Variants in CNGB1 observed in about 807,000 individuals in gnomAD.
CNGB1 encodes cyclic nucleotide-gated channel beta-1.
Under a neutral mutation model 151.7 loss-of-function variants are expected in CNGB1, and 126 were observed. The observed-to-expected ratio is 0.83, with a 90% CI of 0.72 to 0.96. The LOEUF (loss-of-function observed/expected upper bound fraction) is 0.96. Among genes scored for constraint, CNGB1 ranks in the 40% least tolerant of loss-of-function variants. CNGB1 has a pLI of 0.00. For synonymous variants in CNGB1, 623 were observed against 635.1 expected (o/e 0.98, Z 0.29); for missense variants, 1,698 against 1,627.0 (o/e 1.04, Z -0.75).
intron 14 of CNGB1, among the ~76,000 whole-genome samples, chr16:57,940,923 A>T (rs1420983121): frequency 7.9e-5 from 12 of 152,100 alleles, no homozygotes; most frequent in Admixed American, 6.5e-4. Context: ...CATAAGTGAT[A>T]GGGCCAGGGG....
At chr16:57,968,105 G>A (rs546073539) in intron 1 of CNGB1, among the ~76,000 whole-genome samples, 3 of 152,356 alleles carry the variant, frequency 2.0e-5, no homozygotes, top group African/African-American at 4.8e-5. Context: ...GAGCAGATCA[G>A]TTAATGTCTC....
Position 57,940,258 on chromosome 16 carries a change from G to A in CNGB1, c.1185C>T (p.Thr395=), listed in dbSNP as rs543195555. 3.7e-5 allele frequency: 59 copies of A among 1,575,108 alleles called. 2 individuals carry two copies. The South Asian group carries it at 5.5e-4, about 15-fold the overall frequency. The change falls in exon 15 of 33, where the codon ACC becomes ACT. Residue 395 remains threonine (T), a synonymous_variant. Coordinates refer to ENST00000251102, the MANE Select transcript of CNGB1 (RefSeq NM_001297.5). ...CCTGATCTGAAGTGCTCTGGGGCCG[G>A]GTCCCGTCTTCTTCACTCTGGCCCA... The part of the protein sequence containing the change: ...VGVGQSEEDG[T]RPQSTSDQKL...
rs538500207 is a variant in CNGB1 at position 57,904,588 on chromosome 16, A to G, written c.2634+146T>C. 6.3e-5 allele frequency: 69 copies of G among 1,098,578 alleles called. No homozygotes were observed. The South Asian group carries it at 8.2e-4, about 13-fold the overall frequency. The allele number at this position is 1,098,578 out of a possible 1,614,324, so 68.1% of individuals were successfully genotyped here. ...CCACCCCCTTCACCGCGCAGGGACC[A>G]GTGCTCCAGGCTCCTGACTCTCAGT... On this transcript the variant is annotated intron_variant, in intron 26 of 32. Transcript: ENST00000251102.
At chr16:57,911,685 T>C (rs1596970621) in intron 25 of CNGB1, 68 bp downstream of exon 25, 1 of 1,602,734 alleles carries the variant, frequency 6.2e-7, no homozygotes, top group East Asian at 2.2e-5. Flanking sequence ...CTGGAGTCTC[T>C]GTGCTGCGAA....
chr16:57,939,352 C>G (rs56058872), intron 16 of CNGB1, 78 bp downstream of exon 16: 1 of 1,599,612 alleles, frequency 6.3e-7, no homozygotes, highest in African/African-American at 1.3e-5. Context: ...AGGGGTTGCC[C>G]CTGCACGAAG....
rs1222326619 is a variant in CNGB1 at position 57,915,129 on chromosome 16, C to T, written c.2304+120G>A. 33 of 745,620 alleles carry T rather than the reference C, an allele frequency of 4.4e-5. No homozygotes were observed. In the Admixed American group the frequency reaches 5.9e-4, roughly 13 times the overall value. The allele number at this position is 745,620 out of a possible 1,614,324, so 46.2% of individuals were successfully genotyped here. The stretch of plus-strand genomic sequence containing the variant: ...CACGTGGAATAAATGCATCTCCCCT[C>T]GGGCCATCCCTTGAGGAACTCCCCT... On this transcript the variant is annotated intron_variant, in intron 23 of 32. Coordinates refer to ENST00000251102, the MANE Select transcript of CNGB1 (RefSeq NM_001297.5).
chr16:57,931,277 C>T (rs574758949), intron 17 of CNGB1, among the ~76,000 whole-genome samples: 11 of 152,026 alleles, frequency 7.2e-5, no homozygotes, highest in Admixed American at 3.3e-4. Context: ...CTCAGCCTCC[C>T]GAGTAGCTGG....
At chr16:57,958,650 C>T (rs57740333) in intron 10 of CNGB1, among the ~76,000 whole-genome samples, 165 bp from the exon 11 acceptor site, 2,524 of 152,292 alleles carry the variant, frequency 0.017, 69 homozygotes, top group African/African-American at 0.057. Flanking sequence ...TCCCCCCTCT[C>T]CACCCTCCCT....
At chr16:57,960,982 C>A in intron 7 of CNGB1, 67 bp from the exon 8 acceptor site, 1 of 1,456,470 alleles carries the variant, frequency 6.9e-7, no homozygotes, top group South Asian at 1.2e-5. Flanking sequence ...CAGCCCACCT[C>A]GGGGCCAGGC....
intron 18 of CNGB1, 37 bp from the exon 19 acceptor site, chr16:57,920,581 C>A (rs554722923): frequency 5.0e-6 from 8 of 1,605,550 alleles, no homozygotes; most frequent in Non-Finnish European, 5.9e-6. Context: ...CAGGCTGAGC[C>A]GGGAGGGACC....
intron 14 of CNGB1, among the ~76,000 whole-genome samples, chr16:57,941,841 T>A (rs1223054737): frequency 6.7e-6 from 1 of 149,082 alleles, no homozygotes; most frequent in African/African-American, 2.6e-5. Context: ...TTCCTTTTTA[T>A]TTATTTATTT....
chr16:57,956,275 G>A (rs113898511), intron 12 of CNGB1, among the ~76,000 whole-genome samples: 2,594 of 152,272 alleles, frequency 0.017, 78 homozygotes, highest in African/African-American at 0.059. Flanking sequence ...CCCACTGCCT[G>A]CCCCAACAGC....
At chr16:57,935,182 G>A (rs1383181222) in intron 16 of CNGB1, among the ~76,000 whole-genome samples, 5 of 151,934 alleles carry the variant, frequency 3.3e-5, no homozygotes, top group Admixed American at 6.6e-5. Context: ...GCCCAGCTTC[G>A]AGCCTGCAGC....
At position 57,911,320 on chromosome 16, in the gene CNGB1, C is replaced by T. The variant is rs187389565; in HGVS notation, c.2492+433G>A. ...ATTTTTATTTTTTGAGATGGAGTTT[C>T]GCTCTTGTGTCAGGCTGGAATGCAA... On this transcript the variant is annotated intron_variant, in intron 25 of 32. Coordinates refer to ENST00000251102, the MANE Select transcript of CNGB1 (RefSeq NM_001297.5). Among the ~76,000 whole-genome samples the T allele has an allele frequency of 3.3e-4, 51 of 152,244 alleles. 1 individual carries two copies. In the East Asian group the frequency reaches 9.1e-3, roughly 27 times the overall value.
In CNGB1 at chr16:57,903,846, T is replaced by C; in HGVS notation, c.2770A>G (p.Thr924Ala). The change falls in exon 27 of 33, where the codon ACC (threonine) becomes GCC (alanine). Residue 924 changes from threonine (T) to alanine (A), a missense_variant. Transcript: ENST00000251102. Reference sequence around the variant, plus strand: ...CCCAGCATGCCTTGCGAGTGCCAGGTGTACTCGTACCAGGTCTTGACGCGG... The same window carrying C: ...CCCAGCATGCCTTGCGAGTGCCAGGCGTACTCGTACCAGGTCTTGACGCGG... ...QNRVKTWYEY[T>A]WHSQGMLDES... is the part of the protein sequence containing the mutation. The C allele has an allele frequency of 6.2e-7, 1 of 1,614,160 alleles. No individual in the cohort carries two copies. The highest frequency in any genetic ancestry group is 8.5e-7 in the Non-Finnish European group (1 of 1,180,034).
At chr16:57,969,694 T>C (rs967977830) in intron 1 of CNGB1, among the ~76,000 whole-genome samples, 1 of 152,236 alleles carries the variant, frequency 6.6e-6, no homozygotes, top group African/African-American at 2.4e-5. Flanking sequence ...TTTTTCATGA[T>C]ATACTGTGTT....
intron 18 of CNGB1, among the ~76,000 whole-genome samples, chr16:57,921,013 A>G (rs538480350): frequency 3.3e-5 from 5 of 152,236 alleles, no homozygotes; most frequent in South Asian, 2.1e-4. Context: ...TATCCCTTTA[A>G]CTTACAGGAA....
At chr16:57,950,137 C>T (rs1162158609) in intron 13 of CNGB1, among the ~76,000 whole-genome samples, 1 of 151,452 alleles carries the variant, frequency 6.6e-6, no homozygotes, top group Non-Finnish European at 1.5e-5. Flanking sequence ...ATGTGCTATG[C>T]CATCTTCTGT....
At chr16:57,960,137 G>C in intron 9 of CNGB1, 72 bp from the exon 10 acceptor site, 1 of 1,528,572 alleles carries the variant, frequency 6.5e-7, no homozygotes, top group South Asian at 1.2e-5. Context: ...CAAGGGCACG[G>C]GGCCAGATTC....
Sources: gnomAD v4.1 joint callset for allele counts (sites outside exome capture counted in the v4.1 genomes callset) on GRCh38, gnomAD v4.1.1 for gene constraint, MANE v1.5 for transcripts, NCBI Gene and HGNC (gene_info 2026-07-23, HGNC 2026-07-21) for gene names.